MEGF11: variants seen among roughly 807,000 people sequenced by gnomAD.
The protein encoded by MEGF11 is multiple epidermal growth factor-like domains protein 11.
A neutral mutation model predicts 146.6 loss-of-function variants in MEGF11; 126 were observed. The observed-to-expected ratio is 0.86, with a 90% CI of 0.74 to 1.00. The LOEUF is 1.00. MEGF11 is among the 50% of genes least tolerant of loss of function. The pLI, the probability that MEGF11 is intolerant of heterozygous loss-of-function variation, is 0.00. For missense variants in MEGF11, 1,509 were observed against 1,521.2 expected (o/e 0.99, Z 0.13); for synonymous variants, 532 against 583.4 (o/e 0.91, Z 1.27).
intron 5 of MEGF11, among the ~76,000 whole-genome samples, chr15:66,006,713 C>A (rs56365122): frequency 0.026 from 3,984 of 152,314 alleles, 90 homozygotes; most frequent in Admixed American, 0.067. Context: ...ATCCGAATGA[C>A]ATTAAATAAC....
chr15:66,212,089 C>T (rs985746743), intron 1 of MEGF11, among the ~76,000 whole-genome samples: 5 of 152,112 alleles, frequency 3.3e-5, no homozygotes, highest in Admixed American at 2.0e-4. Flanking sequence ...TCTCCTCCCG[C>T]CCGCCAGTCT....
chr15:66,006,605 T>C (rs1196340136), intron 5 of MEGF11, among the ~76,000 whole-genome samples: 1 of 152,238 alleles, frequency 6.6e-6, no homozygotes, highest in Non-Finnish European at 1.5e-5. Context: ...CTCCCTGCTC[T>C]GGCCTGGCTC....
At chr15:65,922,013 T>A (rs1273106145) in intron 15 of MEGF11, 3 of 346,796 alleles carry the variant, frequency 8.7e-6, no homozygotes, top group African/African-American at 6.6e-5. Flanking sequence ...ACAGACCACA[T>A]GGTGCCACTT....
chr15:66,076,617 C>T (rs907518445), intron 5 of MEGF11, among the ~76,000 whole-genome samples: 6 of 152,114 alleles, frequency 3.9e-5, no homozygotes, highest in Non-Finnish European at 7.4e-5. Flanking sequence ...ATGTGGAGGG[C>T]ATGGCTGCTC....
chr15:65,964,102 G>A (rs2080969258), intron 9 of MEGF11, among the ~76,000 whole-genome samples: 1 of 152,244 alleles, frequency 6.6e-6, no homozygotes, highest in Non-Finnish European at 1.5e-5. Flanking sequence ...GGCTGTGGGG[G>A]CGTTCATCCA....
intron 4 of MEGF11, among the ~76,000 whole-genome samples, chr15:66,107,062 A>C (rs34441247): frequency 0.46 from 69,329 of 149,664 alleles, 16,126 homozygotes; most frequent in Admixed American, 0.54. Context: ...CTACCCCCCC[A>C]CCAGGTATAG....
intron 1 of MEGF11, among the ~76,000 whole-genome samples, chr15:66,208,699 T>C (rs936684881): frequency 6.6e-6 from 1 of 151,830 alleles, no homozygotes; most frequent in African/African-American, 2.4e-5. Context: ...CTGGCCAACA[T>C]GGCGAAACCC....
intron 5 of MEGF11, among the ~76,000 whole-genome samples, chr15:66,057,930 G>T (rs1478672554): frequency 3.9e-5 from 6 of 152,146 alleles, no homozygotes; most frequent in Admixed American, 3.9e-4. Context: ...AGGCCATAAA[G>T]ATGAAATCAA....
At chr15:66,204,215 A>G (rs773284079) in intron 1 of MEGF11, among the ~76,000 whole-genome samples, 2 of 152,152 alleles carry the variant, frequency 1.3e-5, no homozygotes, top group Non-Finnish European at 2.9e-5. Flanking sequence ...CAACCTGGGC[A>G]ACATGGTGAA....
intron 1 of MEGF11, among the ~76,000 whole-genome samples, chr15:66,211,644 A>G (rs2091456562): frequency 6.6e-6 from 1 of 151,748 alleles, no homozygotes; most frequent in African/African-American, 2.4e-5. Flanking sequence ...GTGGGAAGCC[A>G]GCCCAGTCAC....
At chr15:65,906,178 G>C in intron 23 of MEGF11, 37 bp from the exon 24 acceptor site, 1 of 1,530,842 alleles carries the variant, frequency 6.5e-7, no homozygotes, top group Non-Finnish European at 9.0e-7. Context: ...GAAAATATGG[G>C]GGTGAGGTTT....
At chr15:66,234,864 G>C (rs529710183) in intron 1 of MEGF11, among the ~76,000 whole-genome samples, 1 of 81,180 alleles carries the variant, frequency 1.2e-5, no homozygotes, top group East Asian at 3.9e-4. Context: ...TACCCAGAAG[G>C]ACACCGAGCC....
At chr15:66,208,530 T>C (rs1474506618) in intron 1 of MEGF11, among the ~76,000 whole-genome samples, 5 of 152,002 alleles carry the variant, frequency 3.3e-5, no homozygotes, top group African/African-American at 1.2e-4. Flanking sequence ...AAAAGAGAAA[T>C]TGAAAAATAA....
intron 10 of MEGF11, 38 bp from the exon 11 acceptor site, chr15:65,930,981 C>G: frequency 6.6e-7 from 1 of 1,522,962 alleles, no homozygotes; most frequent in Non-Finnish European, 8.9e-7. Context: ...TCAAAGGTTG[C>G]TCCATGTTGG....
chr15:65,969,976 A>G (rs769517858), intron 8 of MEGF11, among the ~76,000 whole-genome samples: 4 of 151,982 alleles, frequency 2.6e-5, no homozygotes, highest in Non-Finnish European at 5.9e-5. Context: ...CCCTGTCATC[A>G]TGGCCTCCTT....
chr15:66,221,284 C>T (rs956789425), intron 1 of MEGF11, among the ~76,000 whole-genome samples: 3 of 152,026 alleles, frequency 2.0e-5, no homozygotes, highest in Non-Finnish European at 4.4e-5. Flanking sequence ...GGCTCGCAGC[C>T]GCTCCAGCAC....
At chr15:66,054,075 C>T (rs1157122848) in intron 5 of MEGF11, among the ~76,000 whole-genome samples, 3 of 152,136 alleles carry the variant, frequency 2.0e-5, no homozygotes, top group Non-Finnish European at 4.4e-5. Context: ...TTTGCCAGTT[C>T]TCCCCTCCTG....
intron 24 of MEGF11, 58 bp from the exon 25 acceptor site, chr15:65,898,992 T>C: frequency 1.3e-6 from 2 of 1,563,906 alleles, no homozygotes; most frequent in Non-Finnish European, 1.8e-6. Context: ...CATGTTAATA[T>C]CAGAAGCAGA....
chr15:66,128,283 G>C, intron 2 of MEGF11, 23 bp downstream of exon 2: 1 of 1,437,880 alleles, frequency 7.0e-7, no homozygotes. Context: ...AGAGTGCCTG[G>C]CCATCTGAGG....
Sources: allele counts gnomAD v4.1 joint callset (sites outside exome capture counted in the v4.1 genomes callset), GRCh38; gene constraint gnomAD v4.1.1; transcripts MANE v1.5; gene names NCBI Gene and HGNC (gene_info 2026-07-23, HGNC 2026-07-21).